The following MGAT4C variants were observed in gnomAD, a reference collection of about 807,000 sequenced individuals.
The protein encoded by MGAT4C is MGAT4 family member C, also known as alpha-1,3-mannosyl-glycoprotein 4-beta-N-acetylglucosaminyltransferase C.
Under a neutral mutation model 40.1 loss-of-function variants are expected in MGAT4C, and 19 were observed. The ratio of observed to expected loss-of-function variants is 0.47; its 90% CI spans 0.33 to 0.70. The LOEUF (loss-of-function observed/expected upper bound fraction) is 0.70. MGAT4C is among the 30% of genes least tolerant of loss of function. The pLI is 0.02. For synonymous variants in MGAT4C, 181 were observed against 187.1 expected (o/e 0.97, Z 0.27); for missense variants, 491 against 563.2 (o/e 0.87, Z 1.30).
intron 2 of MGAT4C, among the ~76,000 whole-genome samples, chr12:86,465,683 C>A (rs192368513): frequency 6.6e-6 from 1 of 152,172 alleles, no homozygotes; most frequent in East Asian, 1.9e-4. Flanking sequence ...CAATCAGATA[C>A]CCTGCAAGCC....
At chr12:86,821,970 C>A (rs954897243) in intron 1 of MGAT4C, among the ~76,000 whole-genome samples, 1 of 148,202 alleles carries the variant, frequency 6.7e-6, no homozygotes, top group Non-Finnish European at 1.5e-5. Context: ...AAGTTAAAGA[C>A]AAAAGTATTA....
chr12:86,069,236 G>C (rs898224282), intron 1 of MGAT4C, among the ~76,000 whole-genome samples: 4 of 151,984 alleles, frequency 2.6e-5, no homozygotes, highest in Non-Finnish European at 5.9e-5. Flanking sequence ...ATTTTAATAA[G>C]TATCTCCCCA....
intron 1 of MGAT4C, among the ~76,000 whole-genome samples, chr12:86,774,345 C>CTTTCTTTCTCTTTCTTTCTTTCTTTCTT (rs1951708548): frequency 6.7e-5 from 1 of 14,910 alleles, no homozygotes; most frequent in Non-Finnish European, 1.4e-4. Flanking sequence ...CTTTCTGTCT[C>CTTTCTTTCTCTTTCTTTCTTTCTTTCTT]TCTCTCTCCC....
At chr12:86,243,631 A>G (rs999177700) in intron 1 of MGAT4C, among the ~76,000 whole-genome samples, 1 of 152,196 alleles carries the variant, frequency 6.6e-6, no homozygotes, top group African/African-American at 2.4e-5. Context: ...GGCGGCCTAT[A>G]GATTCTGAGG....
intron 3 of MGAT4C, among the ~76,000 whole-genome samples, chr12:86,372,637 A>G (rs1349927626): frequency 2.0e-5 from 3 of 151,942 alleles, no homozygotes; most frequent in Non-Finnish European, 4.4e-5. Flanking sequence ...TCCTTATGGT[A>G]GTGGCAATCT....
intron 2 of MGAT4C, among the ~76,000 whole-genome samples, chr12:86,612,632 C>T (rs990226937): frequency 1.3e-5 from 2 of 149,554 alleles, no homozygotes; most frequent in Non-Finnish European, 3.0e-5. Flanking sequence ...TACCAGCTCT[C>T]AGGAGGCTGA....
intron 4 of MGAT4C, among the ~76,000 whole-genome samples, chr12:86,313,699 G>A (rs531205840): frequency 2.9e-4 from 44 of 152,240 alleles, no homozygotes; most frequent in African/African-American, 9.4e-4. Flanking sequence ...ACTAAATTAC[G>A]TCTTAGCAAA....
intron 2 of MGAT4C, among the ~76,000 whole-genome samples, chr12:86,666,754 C>T (rs1470987314): frequency 3.3e-5 from 5 of 152,066 alleles, no homozygotes; most frequent in Admixed American, 6.5e-5. Context: ...TTTAGCACAC[C>T]GACCAATCTT....
At chr12:86,743,116 A>ATGTGTG (rs60215418) in intron 1 of MGAT4C, among the ~76,000 whole-genome samples, 250 of 144,576 alleles carry the variant, frequency 1.7e-3, no homozygotes, top group African/African-American at 5.7e-3. Flanking sequence ...GTGTGTATGC[A>ATGTGTG]TGTGTGTGTG....
At chr12:86,552,089 G>C (rs971901321) in intron 2 of MGAT4C, among the ~76,000 whole-genome samples, 5 of 129,324 alleles carry the variant, frequency 3.9e-5, no homozygotes, top group Non-Finnish European at 8.2e-5. Flanking sequence ...TCCAGTAATA[G>C]ACCTCAATCA....
chr12:86,461,110 G>C (rs1487629388), intron 2 of MGAT4C, among the ~76,000 whole-genome samples: 1 of 151,850 alleles, frequency 6.6e-6, no homozygotes, highest in Non-Finnish European at 1.5e-5. Context: ...TGTTTATCAT[G>C]GGAATAGGTA....
chr12:86,166,388 C>A (rs1393077788), intron 1 of MGAT4C, among the ~76,000 whole-genome samples: 1 of 152,150 alleles, frequency 6.6e-6, no homozygotes, highest in Non-Finnish European at 1.5e-5. Flanking sequence ...GACTACTAAG[C>A]CGGGTGGGTG....
intron 2 of MGAT4C, among the ~76,000 whole-genome samples, chr12:86,715,885 A>T (rs1285022211): frequency 1.3e-5 from 2 of 152,164 alleles, no homozygotes; most frequent in Non-Finnish European, 2.9e-5. Flanking sequence ...TTTCAAATCA[A>T]GTAGTTTTGT....
At chr12:86,481,239 T>C (rs889023166) in intron 2 of MGAT4C, among the ~76,000 whole-genome samples, 17 of 152,100 alleles carry the variant, frequency 1.1e-4, no homozygotes, top group African/African-American at 4.1e-4. Flanking sequence ...CTTTCTTTTA[T>C]AGCTCAGTCT....
In MGAT4C at chr12:86,020,323, T is replaced by C. The variant is rs1247556747; in HGVS notation, c.-7+29351A>G. Among the ~76,000 whole-genome samples the C allele has an allele frequency of 1.3e-5, 2 of 152,190 alleles. 1 individual carries two copies. Among genetic ancestry groups the C allele is most frequent in the South Asian group, 4.1e-4 (2 of 4,834 alleles). ...TGCCCATTCAATATGATACTGGCTA[T>C]GGGTTTGTCATAGATAGCTCTTATA... On this transcript the variant is annotated intron_variant, in intron 2 of 4. Coordinates refer to ENST00000611864, the MANE Select transcript of MGAT4C (RefSeq NM_001351288.2).
chr12:86,757,373 A>T (rs1951323577), intron 1 of MGAT4C, among the ~76,000 whole-genome samples: 1 of 152,140 alleles, frequency 6.6e-6, no homozygotes, highest in Non-Finnish European at 1.5e-5. Flanking sequence ...AAAACAAAAA[A>T]TTCTATATAA....
At chr12:86,214,550 T>C (rs1279957042) in intron 1 of MGAT4C, among the ~76,000 whole-genome samples, 1 of 152,174 alleles carries the variant, frequency 6.6e-6, no homozygotes, top group Admixed American at 6.5e-5. Flanking sequence ...ATCAAGGTGC[T>C]AGCTTATTTG....
chr12:85,992,602 A>G (rs934594716), intron 2 of MGAT4C, among the ~76,000 whole-genome samples: 1 of 152,272 alleles, frequency 6.6e-6, no homozygotes, highest in Non-Finnish European at 1.5e-5. Flanking sequence ...TGGCTCAGTC[A>G]TCAAAAGCAT....
chr12:86,612,016 A>G (rs1475482472), intron 2 of MGAT4C, among the ~76,000 whole-genome samples: 1 of 151,234 alleles, frequency 6.6e-6, no homozygotes, highest in Admixed American at 6.6e-5. Flanking sequence ...GTTTATCACA[A>G]CTTGGAGGAT....
Sources: allele counts gnomAD v4.1 joint callset (sites outside exome capture counted in the v4.1 genomes callset), GRCh38; gene constraint gnomAD v4.1.1; transcripts MANE v1.5; gene names NCBI Gene and HGNC (gene_info 2026-07-23, HGNC 2026-07-21).